Variants in ST6GALNAC2 observed in about 807,000 individuals in gnomAD.
ST6GALNAC2 encodes the protein ST6 N-acetylgalactosaminide alpha-2,6-sialyltransferase 2, also known as alpha-N-acetylgalactosaminide alpha-2,6-sialyltransferase 2.
ST6GALNAC2 carries 42 observed loss-of-function variants against 38.7 expected under a neutral mutation model. The observed-to-expected ratio is 1.09, with a 90% CI of 0.85 to 1.40. The LOEUF (loss-of-function observed/expected upper bound fraction) is 1.40, where lower values mean the gene tolerates loss of function less well. ST6GALNAC2 is among the 40% of genes most tolerant of loss of function. The probability of loss-of-function intolerance (pLI) is 0.00; values close to 1 mark genes in which losing one functional copy is unlikely to be tolerated. For missense variants in ST6GALNAC2, 506 were observed against 481.7 expected (o/e 1.05, Z -0.47); for synonymous variants, 233 against 209.0 (o/e 1.11, Z -0.99).
intron 7 of ST6GALNAC2, 155 bp from the exon 8 acceptor site, chr17:76,567,707 C>A: frequency 5.6e-6 from 3 of 538,354 alleles, no homozygotes; most frequent in African/African-American, 1.9e-5. Context: ...ATACAAAGAT[C>A]TTTGAGACCT....
At chr17:76,578,899 C>A (rs1156333296) in intron 1 of ST6GALNAC2, 83 bp from the exon 2 acceptor site, 2 of 1,231,238 alleles carry the variant, frequency 1.6e-6, no homozygotes, top group African/African-American at 1.5e-5. Context: ...ACCCCCTTAG[C>A]TCTAGGGGCG....
In ST6GALNAC2 at chr17:76,566,063, G is replaced by C. The variant is rs1209395545; in HGVS notation, c.*41C>G. On this transcript the variant is annotated 3_prime_UTR_variant, in exon 9 of 9. Transcript: ENST00000225276. The stretch of plus-strand genomic sequence containing the variant: ...CTTTTGGCCACTTGAGAGGATCAGG[G>C]CCGCAACTCTTGAAGAAGCAAAGGG... 6.3e-7 allele frequency: 1 copy of C among 1,586,124 alleles called. No individual in the cohort carries two copies. The highest frequency in any genetic ancestry group is 2.2e-5 in the East Asian group (1 of 44,540).
At position 76,565,946 on chromosome 17, in the gene ST6GALNAC2, G is replaced by A. The variant is rs542896558; in HGVS notation, c.*158C>T. 1.9e-5 allele frequency: 13 copies of A among 687,458 alleles called. No homozygotes were observed. In the Admixed American group the frequency reaches 3.6e-4, roughly 19 times the overall value. The allele number at this position is 687,458 out of a possible 1,614,324, so 42.6% of individuals were successfully genotyped here. On this transcript the variant is annotated 3_prime_UTR_variant, in exon 9 of 9. Transcript: ENST00000225276. ...GGATGAGCCAAGGACAAGCTGGGGT[G>A]TCCTATATTGAACAGACCTCGATGA...
At position 76,565,675 on chromosome 17, in the gene ST6GALNAC2, T is replaced by C. The variant is rs905764903; in HGVS notation, c.*429A>G. The C allele has an allele frequency of 6.9e-5, 11 of 158,898 alleles. No homozygotes were observed. Among genetic ancestry groups the C allele is most frequent in the Non-Finnish European group, 1.5e-4 (11 of 72,388 alleles). 9.8% of individuals were successfully genotyped at this position (158,898 alleles called of 1,614,324 possible). ...TTATGGAGCAGAAGTAAGCCTATCA[T>C]GTTCTTAGAAAGGCTCTTAAGAGGT... is the stretch of plus-strand genomic sequence containing the variant. On this transcript the variant is annotated 3_prime_UTR_variant, in exon 9 of 9. Transcript: ENST00000225276.
chr17:76,566,631 G>A (rs2075286437), intron 8 of ST6GALNAC2, among the ~76,000 whole-genome samples: 1 of 151,868 alleles, frequency 6.6e-6, no homozygotes, highest in Non-Finnish European at 1.5e-5. Flanking sequence ...TGAGGTGGGA[G>A]GATCACTTGA....
At chr17:76,582,117 G>A (rs1254697040) in intron 1 of ST6GALNAC2, among the ~76,000 whole-genome samples, 7 of 149,132 alleles carry the variant, frequency 4.7e-5, no homozygotes, top group Middle Eastern at 7.3e-3. Context: ...CACCCGCCTC[G>A]GCCTCCCAAA....
intron 1 of ST6GALNAC2, among the ~76,000 whole-genome samples, chr17:76,584,634 TGGCGGGGCAAGCAC>T (rs1367009785): frequency 6.6e-6 from 1 of 152,198 alleles, no homozygotes; most frequent in Non-Finnish European, 1.5e-5. Context: ...TAAGTCACCG[TGGCGGGGCAAGCAC>T]CCTTTGTTCT....
chr17:76,574,716 G>A (rs1462938767), intron 2 of ST6GALNAC2, among the ~76,000 whole-genome samples, 177 bp from the exon 3 acceptor site: 5 of 150,898 alleles, frequency 3.3e-5, no homozygotes, highest in African/African-American at 7.3e-5. Flanking sequence ...TCGCTCTGTC[G>A]CCCAGGCTGG....
intron 2 of ST6GALNAC2, among the ~76,000 whole-genome samples, chr17:76,578,320 GTTAC>G (rs1449392303): frequency 6.6e-6 from 1 of 152,152 alleles, no homozygotes; most frequent in Non-Finnish European, 1.5e-5. Flanking sequence ...AATGCTGTCT[GTTAC>G]TTACGGTTAT....
intron 5 of ST6GALNAC2, among the ~76,000 whole-genome samples, chr17:76,572,258 C>T (rs577577325): frequency 3.9e-5 from 6 of 152,212 alleles, no homozygotes; most frequent in South Asian, 4.1e-4. Context: ...TGCCAGCTCT[C>T]GAGGTGGGGG....
rs540729757 is a variant in ST6GALNAC2 at position 76,576,970 on chromosome 17, CA to C, written c.186+1785del. Among the ~76,000 whole-genome samples, 620 of 99,934 alleles carry C rather than the reference CA, an allele frequency of 6.2e-3. 1 individual carries two copies. Among genetic ancestry groups the C allele is most frequent in the Admixed American group, 0.012 (118 of 9,480 alleles). The allele number at this position is 99,934 out of a possible 152,430, so 65.6% of individuals were successfully genotyped here. ...GGGCAACAAGAGCGAAACTCCATCT[CA>C]AAAAAAAAAAAAAATGCAAAATGTA... On this transcript the variant is annotated intron_variant, in intron 2 of 8. Coordinates refer to ENST00000225276, the MANE Select transcript of ST6GALNAC2 (RefSeq NM_006456.3).
chr17:76,568,737 T>C lies in ST6GALNAC2; in HGVS notation c.833A>G (p.Asp278Gly). Residue 278 changes from aspartate (D) to glycine (G), a missense_variant, in exon 7 of 9, where the codon GAC becomes GGC. Physicochemically the swap from Asp to Gly is moderately conservative, Grantham distance 94. Coordinates refer to ENST00000225276, the MANE Select transcript of ST6GALNAC2 (RefSeq NM_006456.3). ...SASKFKLLHPDFISYLTERFL... is the reference protein window; with the variant it reads ...SASKFKLLHPGFISYLTERFL... ...CCTTTCTGTCAGGTAGCTGATGAAG[T>C]CCGGATGTAGCAGCTTGAATTTACT... 1 of 1,613,612 alleles carries C rather than the reference T, an allele frequency of 6.2e-7. No homozygotes were observed. Among genetic ancestry groups the C allele is most frequent in the Non-Finnish European group, 8.5e-7 (1 of 1,179,946 alleles).
intron 7 of ST6GALNAC2, chr17:76,568,416 T>C (rs1399091466): frequency 6.8e-6 from 3 of 439,580 alleles, no homozygotes; most frequent in African/African-American, 5.9e-5. Context: ...ACGGCGCCAC[T>C]GCTGCTGTGC....
In ST6GALNAC2 at chr17:76,579,811, G is replaced by A. The variant is rs190423630; in HGVS notation, c.126-995C>T. Among the ~76,000 whole-genome samples the A allele has an allele frequency of 9.8e-5, 15 of 152,292 alleles. No homozygotes were observed. In the East Asian group the frequency reaches 2.9e-3, roughly 29 times the overall value. Reference sequence around the variant, plus strand: ...CCATCTATGAGGATGCAGCAAGAAGGCCCTCTCCAGACACAGACCCTATGA... The same window carrying A: ...CCATCTATGAGGATGCAGCAAGAAGACCCTCTCCAGACACAGACCCTATGA... On this transcript the variant is annotated intron_variant, in intron 1 of 8. Transcript: ENST00000225276.
chr17:76,582,974 T>C (rs562422954), intron 1 of ST6GALNAC2, among the ~76,000 whole-genome samples: 1 of 152,196 alleles, frequency 6.6e-6, no homozygotes, highest in African/African-American at 2.4e-5. Flanking sequence ...AGAGGAAAGA[T>C]CTTTTTTTTA....
At chr17:76,568,052 A>C (rs1368533230) in intron 7 of ST6GALNAC2, 1 of 166,148 alleles carries the variant, frequency 6.0e-6, no homozygotes, top group African/African-American at 2.4e-5. Context: ...CCTCTGTAGC[A>C]CGGGACTAAT....
Position 76,573,159 on chromosome 17 carries a change from T to TCCCACCCCCC in ST6GALNAC2, c.530+35_530+36insGGGGGGTGGG. 1 of 1,530,322 alleles carries TCCCACCCCCC rather than the reference T, an allele frequency of 6.5e-7. No homozygotes were observed. The highest frequency in any genetic ancestry group is 8.9e-7 in the Non-Finnish European group (1 of 1,120,830). 94.8% of individuals were successfully genotyped at this position (1,530,322 alleles called of 1,614,324 possible). On this transcript the variant is annotated intron_variant, in intron 4 of 8. Transcript: ENST00000225276. The surrounding 1 kb of genome is among the most constrained non-coding windows in gnomAD (Gnocchi z 5.1). Reference sequence around the variant, plus strand: ...GACACCCCCACCCTCCAGGCAACTCTCCCTCCCGCCCCTCCCCAGCTCCTA... The same window carrying TCCCACCCCCC: ...GACACCCCCACCCTCCAGGCAACTCTCCCACCCCCCCCCTCCCGCCCCTCCCCAGCTCCTA...
intron 2 of ST6GALNAC2, 120 bp from the exon 3 acceptor site, chr17:76,574,659 T>C (rs867280826): frequency 5.2e-5 from 41 of 788,432 alleles, no homozygotes; most frequent in Middle Eastern, 4.0e-4. Context: ...CCCCTCCAGA[T>C]TGGGGCCATC....
intron 5 of ST6GALNAC2, among the ~76,000 whole-genome samples, chr17:76,572,285 T>C (rs1247548534): frequency 2.6e-5 from 4 of 152,142 alleles, no homozygotes; most frequent in African/African-American, 9.6e-5. Context: ...TGGGTGCAAA[T>C]CCTGACCCTA....
Sources: allele counts gnomAD v4.1 joint callset (sites outside exome capture counted in the v4.1 genomes callset), GRCh38; gene constraint gnomAD v4.1.1; non-coding constraint Gnocchi (gnomAD v3.1); transcripts MANE v1.5; gene names NCBI Gene and HGNC (gene_info 2026-07-23, HGNC 2026-07-21).